LIMCH1: variants seen among roughly 807,000 people sequenced by gnomAD.
LIMCH1 encodes LIM and calponin homology domains 1, also known as LIM and calponin homology domains-containing protein 1.
Under a neutral mutation model 176.5 loss-of-function variants are expected in LIMCH1, and 113 were observed. The ratio of observed to expected loss-of-function variants is 0.64; its 90% CI spans 0.55 to 0.75. The LOEUF (loss-of-function observed/expected upper bound fraction) is 0.75. Ranked by LOEUF, LIMCH1 falls within the 30% of genes least tolerant of loss-of-function variation. LIMCH1 has a pLI of 0.00. For missense variants in LIMCH1, 1,674 were observed against 1,814.9 expected, an observed-to-expected ratio of 0.92 and a Z score of 1.41; for synonymous variants, 619 against 645.9, an observed-to-expected ratio of 0.96 and a Z score of 0.63.
At chr4:41,557,430 G>C (rs188316102) in intron 1 of LIMCH1, among the ~76,000 whole-genome samples, 2 of 152,252 alleles carry the variant, frequency 1.3e-5, no homozygotes, top group Admixed American at 1.3e-4. Context: ...CGATGGAAGA[G>C]ATGATTTTTA....
chr4:41,568,405 A>C (rs764735219), intron 1 of LIMCH1, among the ~76,000 whole-genome samples: 1 of 152,242 alleles, frequency 6.6e-6, no homozygotes, highest in Non-Finnish European at 1.5e-5. Flanking sequence ...GAGTTACAAC[A>C]CAAGAACTGT....
intron 1 of LIMCH1, among the ~76,000 whole-genome samples, chr4:41,562,436 AAG>A (rs1411922063): frequency 3.9e-5 from 6 of 152,198 alleles, no homozygotes; most frequent in African/African-American, 1.4e-4. Context: ...ATAAAAGGAA[AAG>A]TGTCAATAAG....
At chr4:41,678,490 TAGGTGCTCATTCCCC>T (rs1362543301) in intron 23 of LIMCH1, among the ~76,000 whole-genome samples, 2 of 152,162 alleles carry the variant, frequency 1.3e-5, no homozygotes, top group Non-Finnish European at 2.9e-5. Flanking sequence ...CTGGGAGAGT[TAGGTGCTCATTCCCC>T]AGCTAAATGG....
intron 1 of LIMCH1, among the ~76,000 whole-genome samples, chr4:41,545,709 C>G (rs967656625): frequency 6.6e-6 from 1 of 152,156 alleles, no homozygotes; most frequent in African/African-American, 2.4e-5. Context: ...GAGTGATCAT[C>G]TCTTATGGTT....
At position 41,491,430 on chromosome 4, in the gene LIMCH1, G is replaced by A. The variant is rs193281882; in HGVS notation, c.97-3106G>A. On this transcript the variant is annotated intron_variant, in intron 1 of 26. Transcript: ENST00000313860. ...CCCACCTCCCAGATGAAGGGCGGCC[G>A]GGCAGAGGTGCCCCTCACTTCCTAG... Among the ~76,000 whole-genome samples the A allele has an allele frequency of 1.2e-3, 180 of 149,806 alleles. 2 individuals are homozygous for A. In the East Asian group the frequency reaches 0.028, roughly 23 times the overall value.
chr4:41,487,513 T>C (rs1479213535), intron 1 of LIMCH1, among the ~76,000 whole-genome samples: 1 of 152,122 alleles, frequency 6.6e-6, no homozygotes, highest in African/African-American at 2.4e-5. Context: ...TGGGGGACTT[T>C]TGATTAGCAG....
rs756532805 is a variant in LIMCH1 at position 41,467,156 on chromosome 4, TATAC to T, written c.97-27378_97-27375del. Among the ~76,000 whole-genome samples, 273 of 100,300 alleles carry T rather than the reference TATAC, an allele frequency of 2.7e-3. 2 individuals are homozygous for T. Among genetic ancestry groups the T allele is most frequent in the African/African-American group, 6.0e-3 (111 of 18,466 alleles). 65.8% of individuals were successfully genotyped at this position (100,300 alleles called of 152,430 possible). ...TCCCATATATATATGTGTATGTATA[TATAC>T]ACACACACACACACACACACACACA... is the stretch of plus-strand genomic sequence containing the variant. On this transcript the variant is annotated intron_variant, in intron 1 of 26. Coordinates refer to the LIMCH1 transcript ENST00000313860.
In LIMCH1 at chr4:41,631,427, C is replaced by G; in HGVS notation, c.1551C>G (p.Ala517=). 6.5e-7 allele frequency: 1 copy of G among 1,530,800 alleles called. No individual in the cohort carries two copies. The highest frequency in any genetic ancestry group is 8.7e-7 in the Non-Finnish European group (1 of 1,145,354). 94.8% of individuals were successfully genotyped at this position (1,530,800 alleles called of 1,614,324 possible). ...QMDSVSPVSA[A]TSSLKGHQIF... ...ACTCTGTGTCTCCTGTCTCAGCGGC[C>G]ACTTCCAGCTTAAAGGGCCACCAAA... The change falls in exon 10 of 32, where the codon GCC becomes GCG. Residue 517 remains alanine (A), a synonymous_variant. Transcript: ENST00000503057.
At chr4:41,619,845 A>C in intron 6 of LIMCH1, 1 of 220,122 alleles carries the variant, frequency 4.5e-6, no homozygotes, top group South Asian at 9.6e-5. Context: ...AATTAACTTG[A>C]TATAAGCTCA....
At position 41,629,571 on chromosome 4, in the gene LIMCH1, G is replaced by A; in HGVS notation, c.1108G>A (p.Gly370Arg). The A allele has an allele frequency of 4.6e-6, 7 of 1,536,078 alleles. No individual in the cohort carries two copies. The South Asian group carries it at 5.9e-5, about 13-fold the overall frequency. Residue 370 changes from glycine to arginine, a missense_variant, in exon 9 of 32, where the codon GGA (glycine) becomes AGA (arginine). By Grantham distance (125) the Gly-to-Arg change is moderately radical (BLOSUM62 -2). This residue lies in a region of LIMCH1 where 655 missense variants were observed against 692.2 expected (regional missense o/e 0.95). Coordinates refer to ENST00000503057, the MANE Select transcript of LIMCH1 (RefSeq NM_001330672.2). ...TCAGGAAAGTGAACCTGTGGAAGGA[G>A]GACTCAGGAAGGTGCCAGATCTTCA... ...RAQESEPVEG[G>R]LRKVPDLHKD...
intron 1 of LIMCH1, among the ~76,000 whole-genome samples, chr4:41,431,735 T>C (rs542495227): frequency 1.8e-4 from 28 of 152,350 alleles, no homozygotes; most frequent in African/African-American, 6.5e-4. Context: ...TCTGTTACAT[T>C]ACATATAGAC....
chr4:41,528,592 TTTGTCAGGGG>T (rs2076929443), intron 3 of LIMCH1, among the ~76,000 whole-genome samples: 1 of 152,168 alleles, frequency 6.6e-6, no homozygotes, highest in Non-Finnish European at 1.5e-5. Flanking sequence ...GTTTTTTCAC[TTTGTCAGGGG>T]TTGACAGGCC....
At chr4:41,391,845 A>C (rs1469133229) in intron 1 of LIMCH1, among the ~76,000 whole-genome samples, 2 of 152,200 alleles carry the variant, frequency 1.3e-5, no homozygotes, top group Non-Finnish European at 2.9e-5. Flanking sequence ...ATCCAAGTAA[A>C]TTCTGTAGTT....
intron 1 of LIMCH1, among the ~76,000 whole-genome samples, chr4:41,460,181 G>A (rs1229210057): frequency 1.3e-5 from 2 of 152,066 alleles, no homozygotes; most frequent in African/African-American, 4.8e-5. Flanking sequence ...CAATATGGTA[G>A]CCACTAGTCA....
At chr4:41,566,481 C>T (rs532368144) in intron 1 of LIMCH1, among the ~76,000 whole-genome samples, 2 of 148,328 alleles carry the variant, frequency 1.3e-5, no homozygotes, top group East Asian at 1.9e-4. Context: ...AAGAGATAGG[C>T]CTGGGGGAGA....
intron 1 of LIMCH1, among the ~76,000 whole-genome samples, chr4:41,387,079 G>C (rs1029569942): frequency 3.3e-5 from 5 of 152,282 alleles, no homozygotes; most frequent in Admixed American, 2.0e-4. Context: ...TGTGGCTTCT[G>C]AGACAAAAAT....
At chr4:41,625,619 C>T (rs1257871126) in intron 7 of LIMCH1, among the ~76,000 whole-genome samples, 1 of 152,026 alleles carries the variant, frequency 6.6e-6, no homozygotes, top group Non-Finnish European at 1.5e-5. Flanking sequence ...ACTTTCTTCA[C>T]GCTCTTTTTT....
upstream of LIMCH1, chr4:41,538,147 T>C (rs746575183): frequency 2.9e-4 from 283 of 985,372 alleles, no homozygotes; most frequent in Non-Finnish European, 3.3e-4. Context: ...CAGTTCCCTT[T>C]CACTGCATCA....
chr4:41,363,812 C>T (rs2052537488), intron 1 of LIMCH1, among the ~76,000 whole-genome samples: 1 of 152,164 alleles, frequency 6.6e-6, no homozygotes, highest in Non-Finnish European at 1.5e-5. Flanking sequence ...CTCCTAGTGA[C>T]TTTTTATAGC....
Sources: allele counts gnomAD v4.1 joint callset (sites outside exome capture counted in the v4.1 genomes callset), GRCh38; gene constraint gnomAD v4.1.1; regional missense constraint gnomAD v4.1.1; transcripts MANE v1.5; gene names NCBI Gene and HGNC (gene_info 2026-07-23, HGNC 2026-07-21).